Variants in MIB1 observed in about 807,000 individuals in gnomAD.
MIB1 encodes MIB E3 ubiquitin protein ligase 1.
Under a neutral mutation model 124.5 loss-of-function variants are expected in MIB1, and 278 were observed. That is an observed-to-expected ratio of 2.23 (90% CI 2.02 to 2.47). The LOEUF (loss-of-function observed/expected upper bound fraction) is 2.47. Ranked by LOEUF, MIB1 falls within the 30% of genes most tolerant of loss-of-function variation. The probability of loss-of-function intolerance (pLI) is 0.00; values close to 1 mark genes in which losing one functional copy is unlikely to be tolerated. For missense variants in MIB1, 957 were observed against 1,254.4 expected (o/e 0.76, Z 3.58); for synonymous variants, 446 against 429.4 (o/e 1.04, Z -0.48).
At chr18:21,823,355 C>CG (rs1236146587) in intron 12 of MIB1, among the ~76,000 whole-genome samples, 1 of 149,992 alleles carries the variant, frequency 6.7e-6, no homozygotes, top group Admixed American at 6.7e-5. Flanking sequence ...GAGGTATGAT[C>CG]GTGCCACTGC....
chr18:21,738,731 C>T (rs1363527369), upstream of MIB1, among the ~76,000 whole-genome samples: 13 of 140,568 alleles, frequency 9.2e-5, no homozygotes, highest in East Asian at 4.4e-4. Flanking sequence ...GGCGTGAACC[C>T]GGGAGATGGA....
At position 21,865,755 on chromosome 18, in the gene MIB1, T is replaced by C. The variant is rs558307321; in HGVS notation, c.*1089T>C. 44 of 152,780 alleles carry C rather than the reference T, an allele frequency of 2.9e-4. 1 individual carries two copies. The highest frequency in any genetic ancestry group is 9.1e-4 in the African/African-American group (38 of 41,594). 9.5% of individuals were successfully genotyped at this position (152,780 alleles called of 1,614,324 possible). Reference sequence around the variant, plus strand: ...TCTTTCTTTATAGTATTTTTTGTTATAAAGAAAACAGTCTTTCTGTGTATA... The same window carrying C: ...TCTTTCTTTATAGTATTTTTTGTTACAAAGAAAACAGTCTTTCTGTGTATA... On this transcript the variant is annotated 3_prime_UTR_variant, in exon 21 of 21. Coordinates refer to ENST00000261537, the MANE Select transcript of MIB1 (RefSeq NM_020774.4).
chr18:21,757,632 A>G (rs1282766952), intron 1 of MIB1, among the ~76,000 whole-genome samples: 2 of 150,592 alleles, frequency 1.3e-5, no homozygotes, highest in Non-Finnish European at 3.0e-5. Flanking sequence ...TTACAGGCTC[A>G]TGCCACCACG....
chr18:21,862,084 A>G (rs547598699), intron 20 of MIB1, among the ~76,000 whole-genome samples: 1 of 152,204 alleles, frequency 6.6e-6, no homozygotes, highest in South Asian at 2.1e-4. Context: ...TATTTTTTGT[A>G]GAGATGATGT....
intron 12 of MIB1, chr18:21,827,301 C>A (rs1026622143): frequency 1.3e-5 from 2 of 151,996 alleles, no homozygotes; most frequent in Admixed American, 1.3e-4. Context: ...CTCGCAAGCA[C>A]CAGAATCAGC....
intron 1 of MIB1, among the ~76,000 whole-genome samples, chr18:21,753,433 C>T (rs1052368343): frequency 2.6e-5 from 4 of 152,094 alleles, no homozygotes; most frequent in African/African-American, 9.7e-5. Context: ...AGTGATCCAC[C>T]TACCTTGACC....
chr18:21,766,633 C>G (rs768524220), intron 2 of MIB1, among the ~76,000 whole-genome samples: 1 of 132,872 alleles, frequency 7.5e-6, no homozygotes, highest in Non-Finnish European at 1.5e-5. Flanking sequence ...GGAGTCATAC[C>G]TCTCTTGGTG....
At chr18:21,788,486 T>C (rs2041462726) in intron 6 of MIB1, among the ~76,000 whole-genome samples, 1 of 152,262 alleles carries the variant, frequency 6.6e-6, no homozygotes, top group South Asian at 2.1e-4. Context: ...ATAAAGGACA[T>C]CTATGAAAAA....
At chr18:21,825,466 T>A in intron 12 of MIB1, 1 of 284,544 alleles carries the variant, frequency 3.5e-6, no homozygotes, top group South Asian at 2.8e-5. Flanking sequence ...GGATAAGAAA[T>A]TTAATACCAA....
At chr18:21,789,555 C>T (rs2041477800) in intron 6 of MIB1, among the ~76,000 whole-genome samples, 1 of 151,740 alleles carries the variant, frequency 6.6e-6, no homozygotes, top group African/African-American at 2.4e-5. Context: ...AATCCTGGTA[C>T]TTTTTTTTGC....
In MIB1 at chr18:21,864,535, C is replaced by G. The variant is rs1248055034; in HGVS notation, c.2890C>G (p.Pro964Ala). Residue 964 changes from proline (P) to alanine (A), a missense_variant, in exon 21 of 21, where the codon CCT (proline) becomes GCT (alanine). Coordinates refer to ENST00000261537, the MANE Select transcript of MIB1 (RefSeq NM_020774.4). ...TTATCTCACATTACAGACAATGTGC[C>G]CTGTGTGTCTAGATCGTCTGAAGAA... ...LQDIKEQTMC[P>A]VCLDRLKNMI... 5 of 1,611,656 alleles carry G rather than the reference C, an allele frequency of 3.1e-6. No homozygotes were observed. In the Admixed American group the frequency reaches 8.3e-5, roughly 27 times the overall value.
chr18:21,772,105 C>T (rs924151073), intron 3 of MIB1, among the ~76,000 whole-genome samples: 1 of 152,138 alleles, frequency 6.6e-6, no homozygotes, highest in African/African-American at 2.4e-5. Context: ...TTCATTAGAT[C>T]TTAAACATAA....
intron 1 of MIB1, among the ~76,000 whole-genome samples, chr18:21,726,942 G>A (rs1171989030): frequency 6.6e-6 from 1 of 152,114 alleles, no homozygotes; most frequent in Non-Finnish European, 1.5e-5. Context: ...GGCAGTGGGG[G>A]AAGTTCTGGG....
chr18:21,755,721 C>T (rs925094207), intron 1 of MIB1, among the ~76,000 whole-genome samples: 2 of 152,092 alleles, frequency 1.3e-5, no homozygotes, highest in Non-Finnish European at 2.9e-5. Context: ...AGCAGATAGT[C>T]CAGACATTCA....
intron 1 of MIB1, among the ~76,000 whole-genome samples, chr18:21,721,814 T>A (rs117943407): frequency 1.8e-4 from 27 of 152,328 alleles, no homozygotes; most frequent in Non-Finnish European, 3.7e-4. Flanking sequence ...GCAAAGATAG[T>A]ACAGGGTTCC....
At chr18:21,785,748 C>G (rs1451512207) in intron 6 of MIB1, among the ~76,000 whole-genome samples, 1 of 152,072 alleles carries the variant, frequency 6.6e-6, no homozygotes, top group Non-Finnish European at 1.5e-5. Context: ...TATTACTATC[C>G]TTTTCTTTTA....
Position 21,719,351 on chromosome 18 carries a change from CCATATGAAAT to C in MIB1, n.167+14234_167+14243del, listed in dbSNP as rs146795401. On this transcript the variant is annotated intron_variant and non_coding_transcript_variant, in intron 1 of 20. Coordinates refer to the MIB1 transcript ENST00000578646. Reference sequence around the variant, plus strand: ...ACCTTGTCTGTGAAGAAAAAAAGGACCATATGAAATCATATAAGTCGGTAATTAATTTTTA... The same window carrying C: ...ACCTTGTCTGTGAAGAAAAAAAGGACCATATAAGTCGGTAATTAATTTTTA... Among the ~76,000 whole-genome samples the C allele has an allele frequency of 7.8e-3, 1,185 of 152,032 alleles. 14 individuals carry two copies. The highest frequency in any genetic ancestry group is 0.027 in the African/African-American group (1,135 of 41,484).
intron 17 of MIB1, among the ~76,000 whole-genome samples, chr18:21,849,791 CT>C (rs1191395805): frequency 6.6e-6 from 1 of 152,024 alleles, no homozygotes; most frequent in Admixed American, 6.6e-5. Flanking sequence ...ATATGTTGCA[CT>C]TTTTTTGGAG....
intron 1 of MIB1, among the ~76,000 whole-genome samples, chr18:21,749,719 A>G (rs2040952787): frequency 7.0e-6 from 1 of 143,340 alleles, no homozygotes; most frequent in South Asian, 2.2e-4. Context: ...TGGCTCATCA[A>G]AACCTCTGCC....
Sources: gnomAD v4.1 joint callset for allele counts (sites outside exome capture counted in the v4.1 genomes callset) on GRCh38, gnomAD v4.1.1 for gene constraint, MANE v1.5 for transcripts, NCBI Gene and HGNC (gene_info 2026-07-23, HGNC 2026-07-21) for gene names.